Variants in USHBP1 observed in about 807,000 individuals in gnomAD.
USHBP1 encodes the protein harmonin-binding protein USHBP1.
Under a neutral mutation model 76.2 loss-of-function variants are expected in USHBP1, and 67 were observed. The ratio of observed to expected loss-of-function variants is 0.88; its 90% confidence interval spans 0.72 to 1.08. The LOEUF (loss-of-function observed/expected upper bound fraction) is 1.08, where lower values mean the gene tolerates loss of function less well. Among genes scored for constraint, USHBP1 ranks in the 50% least tolerant of loss-of-function variants. USHBP1 has a pLI of 0.00. For synonymous variants in USHBP1, 322 were observed against 362.2 expected (o/e 0.89, Z 1.26); for missense variants, 931 against 915.0 (o/e 1.02, Z -0.23).
At chr19:17,252,977 A>AT (rs919471594) in intron 10 of USHBP1, among the ~76,000 whole-genome samples, 17 of 150,062 alleles carry the variant, frequency 1.1e-4, no homozygotes, top group African/African-American at 1.7e-4. Flanking sequence ...AATAATAATA[A>AT]TTTTTTTTTT....
rs1171189331 is a variant in USHBP1 at position 17,250,298 on chromosome 19, T to C, written c.2039A>G (p.Glu680Gly). Residue 680 changes from glutamate (E) to glycine (G), a missense_variant, in exon 13 of 13, where the codon GAA becomes GGA. Physicochemically the swap from Glu to Gly is moderately conservative, Grantham distance 98. Transcript: ENST00000252597. ...AQQAEEVAVL[E>G]ATARALGKPR... ...CTTCCCCAGGGCCCTTGCAGTGGCTTCGAGCACCGCCACCTCCTCGGCCTG... is the reference window on the plus strand; with the variant it reads ...CTTCCCCAGGGCCCTTGCAGTGGCTCCGAGCACCGCCACCTCCTCGGCCTG... The C allele has an allele frequency of 6.2e-7, 1 of 1,613,628 alleles. No homozygotes were observed. Among genetic ancestry groups the C allele is most frequent in the Non-Finnish European group, 8.5e-7 (1 of 1,179,950 alleles).
chr19:17,261,009 C>T (rs1236216971), intron 4 of USHBP1, among the ~76,000 whole-genome samples: 1 of 152,196 alleles, frequency 6.6e-6, no homozygotes, highest in African/African-American at 2.4e-5. Context: ...CGCCTCCTGG[C>T]TCTCCAGGAG....
Position 17,255,409 on chromosome 19 carries a change from G to A in USHBP1, c.1668C>T (p.Ser556=), listed in dbSNP as rs750336314. ...CCTGATACCACTCTTCCTCGTCCCCGCTGCTGCCACCTCCGCTGCTATGTC... is the reference window on the plus strand; with the variant it reads ...CCTGATACCACTCTTCCTCGTCCCCACTGCTGCCACCTCCGCTGCTATGTC... ...SGGHSSGGGS[S]GDEEEWYQGL... The change falls in exon 10 of 13, where the codon AGC becomes AGT. Residue 556 remains serine (S), a synonymous_variant. Coordinates refer to ENST00000252597, the MANE Select transcript of USHBP1 (RefSeq NM_031941.4). The A allele has an allele frequency of 1.3e-5, 21 of 1,613,824 alleles. No individual in the cohort carries two copies. Among genetic ancestry groups the A allele is most frequent in the African/African-American group, 6.7e-5 (5 of 74,882 alleles).
Position 17,251,626 on chromosome 19 carries a change from C to T in USHBP1, c.1878G>A (p.Arg626=). The change falls in exon 12 of 13, where the codon CGG becomes CGA. Residue 626 remains arginine, a synonymous_variant. Transcript: ENST00000252597. ...CCCTGTTCAGCTCGGCACTCTGAGA[C>T]CGTCTGGCTCGCCCCTTCTGAGCCA... The part of the protein sequence containing the change: ...EQVAQKGRAR[R]SQSAELNRDL... The T allele has an allele frequency of 6.2e-7, 1 of 1,614,026 alleles. No homozygotes were observed. Among genetic ancestry groups the T allele is most frequent in the Non-Finnish European group, 8.5e-7 (1 of 1,179,988 alleles).
chr19:17,257,020 CTT>C (rs574690408), intron 8 of USHBP1, among the ~76,000 whole-genome samples: 30 of 131,770 alleles, frequency 2.3e-4, no homozygotes, highest in African/African-American at 4.5e-4. Context: ...GAGAATCCGT[CTT>C]TTTTTTTTTT....
chr19:17,250,447 GC>G, intron 12 of USHBP1, 33 bp from the exon 13 acceptor site: 6 of 1,595,952 alleles, frequency 3.8e-6, no homozygotes, highest in Non-Finnish European at 4.3e-6. Flanking sequence ...TCAGGAAACA[GC>G]CCCCGAGTCC....
chr19:17,257,944 C>T (rs972038027), intron 8 of USHBP1, among the ~76,000 whole-genome samples: 8 of 152,318 alleles, frequency 5.3e-5, no homozygotes, highest in Admixed American at 2.0e-4. Context: ...CCACTGTGCC[C>T]GGCTGTGGGT....
intron 11 of USHBP1, 32 bp downstream of exon 11, chr19:17,251,878 AC>A: frequency 2.0e-6 from 3 of 1,517,862 alleles, no homozygotes; most frequent in Non-Finnish European, 2.6e-6. Flanking sequence ...CTGCCTGCCC[AC>A]CCCCCGCACA....
In USHBP1 at chr19:17,259,896, C is replaced by T; in HGVS notation, c.768+1G>A. ...CATGGGATTGAACTTCTCGCACTCACCTGAGTCTCCCAGGGTTCCCTGTCT... is the reference window on the plus strand; with the variant it reads ...CATGGGATTGAACTTCTCGCACTCATCTGAGTCTCCCAGGGTTCCCTGTCT... On this transcript the variant is annotated splice_donor_variant, in intron 5 of 12. Coordinates refer to ENST00000252597, the MANE Select transcript of USHBP1 (RefSeq NM_031941.4). LOFTEE classifies it high-confidence loss of function. 1 of 1,613,396 alleles carries T rather than the reference C, an allele frequency of 6.2e-7. No individual in the cohort carries two copies. The highest frequency in any genetic ancestry group is 8.5e-7 in the Non-Finnish European group (1 of 1,179,484).
At chr19:17,258,088 C>T in intron 8 of USHBP1, 124 bp downstream of exon 8, 1 of 1,360,854 alleles carries the variant, frequency 7.3e-7, no homozygotes, top group Admixed American at 1.8e-5. Flanking sequence ...ACAGTGAGCT[C>T]CATACCGACC....
chr19:17,261,334 TTTC>T (rs1269183426), intron 4 of USHBP1, among the ~76,000 whole-genome samples: 1,344 of 98,828 alleles, frequency 0.014, 12 homozygotes, highest in African/African-American at 0.066. Flanking sequence ...TCTTTCTTTC[TTTC>T]TTTTTTTTTT....
Position 17,256,647 on chromosome 19 carries a change from G to A in USHBP1, c.1294C>T (p.Leu432Phe), listed in dbSNP as rs757466390. Residue 432 changes from leucine to phenylalanine, a missense_variant, in exon 9 of 13, where the codon CTC becomes TTC. Leu to Phe is a conservative substitution (Grantham distance 22). Transcript: ENST00000252597. ...TTCATTAGAGAACGGCGCTCCTGGA[G>A]ACGCTGGACATAGCTTCGGAGCTGG... The part of the protein sequence containing the change: ...AFQLRSYVQR[L>F]QERRSLMKIL... 38 of 1,614,102 alleles carry A rather than the reference G, an allele frequency of 2.4e-5. No individual in the cohort carries two copies. The highest frequency in any genetic ancestry group is 3.2e-5 in the Non-Finnish European group (38 of 1,180,056).
intron 8 of USHBP1, among the ~76,000 whole-genome samples, 165 bp from the exon 9 acceptor site, chr19:17,256,885 C>T (rs1182316260): frequency 2.6e-5 from 4 of 152,134 alleles, no homozygotes; most frequent in African/African-American, 9.7e-5. Flanking sequence ...CTAGGCACCA[C>T]CTTCCATCAA....
Position 17,256,460 on chromosome 19 carries a change from C to A in USHBP1, c.1470+11G>T, listed in dbSNP as rs1429606367. On this transcript the variant is annotated intron_variant, in intron 9 of 12. Transcript: ENST00000252597. ...AGAAAGACTGACACAGTGGCCACAG[C>A]CCATTTGTACCCTTGCGGCCACCAG... 4.3e-6 allele frequency: 7 copies of A among 1,612,672 alleles called. No individual in the cohort carries two copies. The South Asian group carries it at 4.4e-5, about 10-fold the overall frequency.
At chr19:17,263,808 G>T in intron 3 of USHBP1, 194 bp downstream of exon 3, 1 of 673,748 alleles carries the variant, frequency 1.5e-6, no homozygotes, top group Non-Finnish European at 2.3e-6. Context: ...AGGGGTTGCT[G>T]TGAGCCGAGA....
At chr19:17,257,817 G>C (rs902931650) in intron 8 of USHBP1, among the ~76,000 whole-genome samples, 10 of 151,860 alleles carry the variant, frequency 6.6e-5, no homozygotes, top group African/African-American at 2.4e-4. Flanking sequence ...CAGCTAATTT[G>C]TTTGTAGTTT....
chr19:17,262,285 G>A (rs2073698431), intron 4 of USHBP1, among the ~76,000 whole-genome samples: 1 of 151,966 alleles, frequency 6.6e-6, no homozygotes, highest in Non-Finnish European at 1.5e-5. Context: ...TTACAGGTGT[G>A]AGCCACTGTG....
At position 17,255,502 on chromosome 19, in the gene USHBP1, C is replaced by T. The variant is rs777552762; in HGVS notation, c.1575G>A (p.Val525=). The change falls in exon 10 of 13, where the codon GTG becomes GTA. Residue 525 remains valine (V), a synonymous_variant. Transcript: ENST00000252597. ...CCCACCGCAGCTGCTCCAGCAGGAG[C>T]ACGTGAGCTGGACCCAGGGCTCGGA... ...AALRALGPAH[V]LLLEQLRWER... is the part of the protein sequence containing the mutation. 2 of 1,613,966 alleles carry T rather than the reference C, an allele frequency of 1.2e-6. No individual in the cohort carries two copies. The highest frequency in any genetic ancestry group is 1.7e-6 in the Non-Finnish European group (2 of 1,179,898).
Position 17,264,313 on chromosome 19 carries a change from C to T in USHBP1, c.-14G>A. 6.2e-7 allele frequency: 1 copy of T among 1,607,592 alleles called. No homozygotes were observed. Among genetic ancestry groups the T allele is most frequent in the Non-Finnish European group, 8.5e-7 (1 of 1,177,752 alleles). Reference sequence around the variant, plus strand: ...CCGGGCACTCATTGCTGTCCAGAAGCCAGTGCCCTCTGAATGCTTCTCCTT... The same window carrying T: ...CCGGGCACTCATTGCTGTCCAGAAGTCAGTGCCCTCTGAATGCTTCTCCTT... On this transcript the variant is annotated 5_prime_UTR_variant, in exon 2 of 13. Transcript: ENST00000252597.
Sources: gnomAD v4.1 joint callset for allele counts (sites outside exome capture counted in the v4.1 genomes callset) on GRCh38, gnomAD v4.1.1 for gene constraint, MANE v1.5 for transcripts, NCBI Gene and HGNC (gene_info 2026-07-23, HGNC 2026-07-21) for gene names.